ATP11A: variants seen among roughly 807,000 people sequenced by gnomAD.
ATP11A encodes ATPase phospholipid transporting 11A.
A neutral mutation model predicts 154.4 loss-of-function variants in ATP11A; 81 were observed. That is an observed-to-expected ratio of 0.52 (90% CI 0.44 to 0.63). The LOEUF (loss-of-function observed/expected upper bound fraction) is 0.63, where lower values mean the gene tolerates loss of function less well. Ranked by LOEUF, ATP11A falls within the 30% of genes least tolerant of loss-of-function variation. ATP11A has a pLI of 0.00. For missense variants in ATP11A, 1,316 were observed against 1,474.3 expected, an observed-to-expected ratio of 0.89 and a Z score of 1.76; for synonymous variants, 623 against 585.9, an observed-to-expected ratio of 1.06 and a Z score of -0.91.
In ATP11A at chr13:112,860,295, C is replaced by T. The variant is rs201041854; in HGVS notation, c.2736C>T (p.Tyr912=). Residue 912 remains tyrosine (Y), a synonymous_variant, in exon 24 of 30, where the codon TAC becomes TAT. Transcript: ENST00000375645. ...FFCGFSQQTL[Y]DTAYLTLYNI... is the part of the protein sequence containing the mutation. ...TGACTTTCCTCTTACAGACTTTGTA[C>T]GACACCGCGTATCTGACCCTCTACA... 7.5e-5 allele frequency: 121 copies of T among 1,613,656 alleles called. No homozygotes were observed. Among genetic ancestry groups the T allele is most frequent in the Non-Finnish European group, 8.5e-5 (100 of 1,179,730 alleles).
intron 26 of ATP11A, among the ~76,000 whole-genome samples, chr13:112,872,684 C>T (rs1471176373): frequency 2.0e-5 from 3 of 152,248 alleles, no homozygotes; most frequent in South Asian, 2.1e-4. Flanking sequence ...TCTTCGGTGA[C>T]GATATAAACA....
At chr13:112,776,887 G>A (rs972665893) in intron 1 of ATP11A, among the ~76,000 whole-genome samples, 1 of 152,086 alleles carries the variant, frequency 6.6e-6, no homozygotes, top group East Asian at 1.9e-4. Flanking sequence ...TTGAGCCCCC[G>A]CGACCAGCCG....
intron 2 of ATP11A, 96 bp from the exon 3 acceptor site, chr13:112,804,861 T>C (rs1223281398): frequency 3.1e-6 from 2 of 653,464 alleles, no homozygotes; most frequent in Non-Finnish European, 5.1e-6. Context: ...AAACATTTTG[T>C]ACTGTAAAAT....
At chr13:112,810,803 G>A in intron 5 of ATP11A, 77 bp downstream of exon 5, 4 of 1,290,858 alleles carry the variant, frequency 3.1e-6, no homozygotes, top group Admixed American at 3.6e-5. Flanking sequence ...AGGTGCAGTG[G>A]CTCGCGCCTC....
chr13:112,862,781 G>A (rs1049063042), intron 25 of ATP11A, among the ~76,000 whole-genome samples: 12 of 105,844 alleles, frequency 1.1e-4, no homozygotes, highest in East Asian at 2.9e-4. Context: ...AGTGCAGCCC[G>A]TGCAGCTTCC....
intron 1 of ATP11A, among the ~76,000 whole-genome samples, chr13:112,755,482 G>A (rs944171602): frequency 1.1e-4 from 16 of 152,204 alleles, no homozygotes; most frequent in South Asian, 8.3e-4. Context: ...TCCTCTCAGA[G>A]CCTCCGTTTC....
At position 112,801,471 on chromosome 13, in the gene ATP11A, T is replaced by G. The variant is rs562591764; in HGVS notation, c.163-3486T>G. ...GTAAGAGTAGAAATGGGAATAAAAG[T>G]CCTACAGATTGGGAAGGAAGGAATA... On this transcript the variant is annotated intron_variant, in intron 2 of 29. Transcript: ENST00000375645. 1.6e-3 allele frequency among the ~76,000 whole-genome samples: 243 copies of G among 152,234 alleles called. 1 individual carries two copies. Among genetic ancestry groups the G allele is most frequent in the Middle Eastern group, 3.4e-3 (1 of 294 alleles).
At chr13:112,725,616 G>A (rs282595) in intron 1 of ATP11A, among the ~76,000 whole-genome samples, 37,042 of 152,162 alleles carry the variant, frequency 0.24, 6,031 homozygotes, top group African/African-American at 0.46. Flanking sequence ...CTCGTGTGTA[G>A]TAATGAAATA....
chr13:112,738,998 G>C (rs1891273071), intron 1 of ATP11A, among the ~76,000 whole-genome samples: 1 of 152,136 alleles, frequency 6.6e-6, no homozygotes, highest in Non-Finnish European at 1.5e-5. Context: ...CAGATACTTA[G>C]GACTTACTTT....
In ATP11A at chr13:112,882,391, G is replaced by A; in HGVS notation, c.*525G>A. The A allele has an allele frequency of 2.6e-6, 1 of 383,594 alleles. No individual in the cohort carries two copies. The highest frequency in any genetic ancestry group is 5.7e-5 in the East Asian group (1 of 17,662). 23.8% of individuals were successfully genotyped at this position (383,594 alleles called of 1,614,324 possible). ...GGCCCACATGTGGATGCCACATGCT[G>A]CTGTTTCCTGCTTGCCCGGCCACCA... On this transcript the variant is annotated 3_prime_UTR_variant, in exon 30 of 30. Transcript: ENST00000375645. This position sits in a 1 kb window ranked among gnomAD's most constrained non-coding sequence, Gnocchi z 5.1.
chr13:112,871,584 C>T (rs1007634925), intron 25 of ATP11A, 151 bp from the exon 26 acceptor site: 27 of 706,574 alleles, frequency 3.8e-5, no homozygotes, highest in Non-Finnish European at 5.3e-5. Flanking sequence ...TCTTCTTTTA[C>T]GGGATAATAA....
intron 25 of ATP11A, among the ~76,000 whole-genome samples, chr13:112,866,056 A>T: frequency 6.6e-6 from 1 of 151,590 alleles, no homozygotes; most frequent in East Asian, 1.9e-4. Flanking sequence ...GCAGACATTC[A>T]CTCTCTGGTT....
intron 12 of ATP11A, 87 bp downstream of exon 12, chr13:112,826,978 G>C (rs371622425): frequency 1.4e-6 from 2 of 1,384,686 alleles, no homozygotes; most frequent in Non-Finnish European, 2.0e-6. Context: ...CCTGTCATCC[G>C]AGCGTGGCTG....
intron 1 of ATP11A, among the ~76,000 whole-genome samples, chr13:112,693,678 G>C (rs529050696): frequency 6.6e-6 from 1 of 152,106 alleles, no homozygotes; most frequent in Non-Finnish European, 1.5e-5. Context: ...TAGGCCAGGC[G>C]CGGTGGCTCA....
At chr13:112,863,503 C>G (rs1294466667) in intron 25 of ATP11A, among the ~76,000 whole-genome samples, 6 of 150,238 alleles carry the variant, frequency 4.0e-5, no homozygotes, top group Middle Eastern at 3.6e-3. Context: ...CCAGCGGGGT[C>G]CATCACCACG....
At position 112,825,298 on chromosome 13, in the gene ATP11A, G is replaced by A. The variant is rs1005451686; in HGVS notation, c.873-132G>A. ...AAGTGCAGAGGACCCACCGTGGTGC[G>A]TTGAGGGCGAACACATCACTGTGCC... On this transcript the variant is annotated intron_variant, in intron 10 of 29. Coordinates refer to ENST00000375645, the MANE Select transcript of ATP11A (RefSeq NM_015205.3). The A allele has an allele frequency of 3.8e-5, 39 of 1,016,866 alleles. 1 individual carries two copies. The South Asian group carries it at 5.9e-4, about 15-fold the overall frequency. 63.0% of individuals were successfully genotyped at this position (1,016,866 alleles called of 1,614,324 possible).
chr13:112,823,715 C>T (rs2078860073), intron 9 of ATP11A, among the ~76,000 whole-genome samples: 1 of 152,226 alleles, frequency 6.6e-6, no homozygotes, highest in African/African-American at 2.4e-5. Flanking sequence ...GTCTGCGTTT[C>T]TTGACTAGGA....
intron 4 of ATP11A, among the ~76,000 whole-genome samples, chr13:112,809,919 G>T (rs774415747): frequency 2.0e-5 from 3 of 152,232 alleles, no homozygotes; most frequent in African/African-American, 7.2e-5. Flanking sequence ...CCAGTGGAAG[G>T]CATCCAGGTC....
At chr13:112,881,834 C>T (rs769375979) in intron 29 of ATP11A, 42 bp from the exon 30 acceptor site, 35 of 1,367,490 alleles carry the variant, frequency 2.6e-5, no homozygotes, top group Admixed American at 1.3e-4. Flanking sequence ...CGCACAGCCT[C>T]GGGACCGCGA....
Sources: allele counts gnomAD v4.1 joint callset (sites outside exome capture counted in the v4.1 genomes callset), GRCh38; gene constraint gnomAD v4.1.1; non-coding constraint Gnocchi (gnomAD v3.1); transcripts MANE v1.5; gene names NCBI Gene and HGNC (gene_info 2026-07-23, HGNC 2026-07-21).